The following DLGAP2 variants were observed in gnomAD, a reference collection of about 807,000 sequenced individuals.
The protein encoded by DLGAP2 is disks large-associated protein 2.
DLGAP2 carries 26 observed loss-of-function variants against 100.3 expected under a neutral mutation model. The ratio of observed to expected loss-of-function variants is 0.26; its 90% CI spans 0.19 to 0.36. DLGAP2 has a LOEUF of 0.36. Among genes scored for constraint, DLGAP2 ranks in the 10% least tolerant of loss-of-function variants. The pLI, the probability that DLGAP2 is intolerant of heterozygous loss-of-function variation, is 1.00. For missense variants in DLGAP2, 1,858 were observed against 1,453.2 expected (o/e 1.28, Z -4.53); for synonymous variants, 886 against 630.1 (o/e 1.41, Z -6.08).
Position 1,705,190 on chromosome 8 carries a change from G to C in DLGAP2, c.*3784G>C, listed in dbSNP as rs2469704. On this transcript the variant is annotated 3_prime_UTR_variant, in exon 15 of 15. Coordinates refer to ENST00000637795, the MANE Select transcript of DLGAP2 (RefSeq NM_001346810.2). The stretch of plus-strand genomic sequence containing the variant: ...GTGCCAAACCTTCGAGGGGCGAGTA[G>C]GGAGTGGGGGAGGTGGGTCCAAGTC... The C allele has an allele frequency of 6.6e-6, 1 of 152,402 alleles. No homozygotes were observed. Among genetic ancestry groups the C allele is most frequent in the Middle Eastern group, 3.4e-3 (1 of 294 alleles). 9.4% of individuals were successfully genotyped at this position (152,402 alleles called of 1,614,324 possible). A position where few individuals can be genotyped will look rare whatever the true frequency, so the allele number is the denominator to read the frequency against.
chr8:848,291 T>C (rs933330092), intron 1 of DLGAP2, among the ~76,000 whole-genome samples: 7 of 151,906 alleles, frequency 4.6e-5, no homozygotes, highest in African/African-American at 1.7e-4. Context: ...TGTTCCAATA[T>C]AGAAACGTGC....
intron 5 of DLGAP2, among the ~76,000 whole-genome samples, chr8:1,553,331 T>G (rs1801840104): frequency 6.6e-6 from 1 of 152,176 alleles, no homozygotes; most frequent in African/African-American, 2.4e-5. Context: ...GGGGAAGAGG[T>G]TCGGACCCTA....
chr8:1,593,222 A>T (rs1280586593), intron 6 of DLGAP2, among the ~76,000 whole-genome samples: 2 of 152,196 alleles, frequency 1.3e-5, no homozygotes, highest in South Asian at 4.1e-4. Flanking sequence ...TAGGAGACCA[A>T]GGCGGGTGGA....
chr8:1,211,149 T>A (rs990304342), intron 2 of DLGAP2, among the ~76,000 whole-genome samples: 1 of 152,212 alleles, frequency 6.6e-6, no homozygotes, highest in African/African-American at 2.4e-5. Context: ...TGCAACATGA[T>A]CTCATGTGAA....
chr8:1,535,118 C>A (rs1188222082), intron 4 of DLGAP2, among the ~76,000 whole-genome samples: 1 of 152,220 alleles, frequency 6.6e-6, no homozygotes, highest in African/African-American at 2.4e-5. Context: ...TCGAGGGAGG[C>A]AGGCCCTGTC....
At position 1,374,106 on chromosome 8, in the gene DLGAP2, A is replaced by AGGTTGGGTTAGGTTTACAGAAGG. The variant is rs1335781856; in HGVS notation, c.106+115223_106+115224insGGTTGGGTTAGGTTTACAGAAGG. Among the ~76,000 whole-genome samples the AGGTTGGGTTAGGTTTACAGAAGG allele has an allele frequency of 2.2e-5, 3 of 136,414 alleles. No homozygotes were observed. In the Admixed American group the frequency reaches 2.3e-4, roughly 10 times the overall value. The allele number at this position is 136,414 out of a possible 152,430, so 89.5% of individuals were successfully genotyped here. On this transcript the variant is annotated intron_variant, in intron 3 of 14. Transcript: ENST00000637795. The stretch of plus-strand genomic sequence containing the variant: ...GGAGGTTAGGTTAGGTTTGCAGAGG[A>AGGTTGGGTTAGGTTTACAGAAGG]CTGTGTGGTGGAGGTTAGGTTAGGT...
chr8:827,503 G>A (rs752160718), intron 1 of DLGAP2, among the ~76,000 whole-genome samples: 1 of 152,128 alleles, frequency 6.6e-6, no homozygotes, highest in Admixed American at 6.5e-5. Context: ...AAATAATTAC[G>A]TGTATAACGC....
chr8:1,135,503 G>GTTTTTTTTTT (rs3080806), intron 2 of DLGAP2, among the ~76,000 whole-genome samples: 44 of 92,232 alleles, frequency 4.8e-4, no homozygotes, highest in East Asian at 7.7e-4. Flanking sequence ...TTTTTTGTGG[G>GTTTTTTTTTT]TTTTTTTTTT....
chr8:1,530,024 C>G (rs565991514), intron 4 of DLGAP2, among the ~76,000 whole-genome samples: 3 of 152,278 alleles, frequency 2.0e-5, no homozygotes, highest in Admixed American at 6.5e-5. Context: ...GACCACAGGA[C>G]GGGAGCGAAA....
chr8:1,006,873 G>T (rs1801128847), intron 2 of DLGAP2, among the ~76,000 whole-genome samples: 1 of 121,990 alleles, frequency 8.2e-6, no homozygotes, highest in Non-Finnish European at 1.7e-5. Context: ...GACACCATGT[G>T]TCTGAAGTCT....
chr8:957,603 G>A (rs2701916), intron 2 of DLGAP2, among the ~76,000 whole-genome samples: 58,044 of 151,988 alleles, frequency 0.38, 12,199 homozygotes, highest in Admixed American at 0.53. Context: ...AGAGGGATAC[G>A]TTGTTGCAAT....
chr8:946,415 C>T (rs1196493786), intron 2 of DLGAP2, among the ~76,000 whole-genome samples: 2 of 152,046 alleles, frequency 1.3e-5, no homozygotes, highest in Admixed American at 6.5e-5. Context: ...AGGCGCCCGC[C>T]ACCACGCCCG....
At chr8:1,516,161 T>C (rs893198229) in intron 4 of DLGAP2, among the ~76,000 whole-genome samples, 2 of 139,766 alleles carry the variant, frequency 1.4e-5, no homozygotes, top group African/African-American at 5.4e-5. Flanking sequence ...GAGTGAGTGA[T>C]TGGATGAGTG....
intron 2 of DLGAP2, among the ~76,000 whole-genome samples, chr8:943,360 T>G (rs1043923251): frequency 6.6e-6 from 1 of 152,156 alleles, no homozygotes; most frequent in African/African-American, 2.4e-5. Context: ...TGAAATCCAG[T>G]GTGTATTTTT....
intron 1 of DLGAP2, among the ~76,000 whole-genome samples, chr8:889,260 G>A (rs904017340): frequency 6.6e-6 from 1 of 152,228 alleles, no homozygotes; most frequent in Non-Finnish European, 1.5e-5. Context: ...GGGATATGAT[G>A]GCTTAGCTTG....
At chr8:1,572,260 T>C (rs1802746517) in intron 6 of DLGAP2, among the ~76,000 whole-genome samples, 1 of 108,062 alleles carries the variant, frequency 9.3e-6, no homozygotes, top group Non-Finnish European at 1.8e-5. Context: ...TGGGGGCATC[T>C]GCTGGAATAG....
At chr8:1,105,554 G>C (rs555600757) in intron 2 of DLGAP2, among the ~76,000 whole-genome samples, 1 of 152,016 alleles carries the variant, frequency 6.6e-6, no homozygotes, top group African/African-American at 2.4e-5. Context: ...GCTTCCTGCC[G>C]GTGCACTATC....
At chr8:1,452,209 TGTGTTCTGTGGCTGG>T (rs145576571) in intron 3 of DLGAP2, among the ~76,000 whole-genome samples, 2,232 of 152,222 alleles carry the variant, frequency 0.015, 56 homozygotes, top group African/African-American at 0.05. Flanking sequence ...TCTGTGGCCA[TGTGTTCTGTGGCTGG>T]GTGTTCTGTG....
At chr8:763,204 C>T (rs1002109857) in intron 1 of DLGAP2, among the ~76,000 whole-genome samples, 5 of 152,210 alleles carry the variant, frequency 3.3e-5, no homozygotes, top group Admixed American at 2.6e-4. Flanking sequence ...CATGGACTAT[C>T]AGCAGCGCAG....
Sources: allele counts gnomAD v4.1 joint callset (sites outside exome capture counted in the v4.1 genomes callset), GRCh38; gene constraint gnomAD v4.1.1; transcripts MANE v1.5; gene names NCBI Gene and HGNC (gene_info 2026-07-23, HGNC 2026-07-21).